ABTB3: variants seen among roughly 807,000 people sequenced by gnomAD.
ABTB3 encodes ankyrin repeat- and BTB/POZ domain-containing protein 3.
chr12:107,440,634 C>A, the ABTB3 span, among the ~76,000 whole-genome samples: 1 of 152,156 alleles, frequency 6.6e-6, no homozygotes, highest in Non-Finnish European at 1.5e-5. Context: ...TGGAACCGAG[C>A]CTGTGATGGT....
At chr12:107,408,615 A>G in the ABTB3 span, among the ~76,000 whole-genome samples, 2 of 152,204 alleles carry the variant, frequency 1.3e-5, no homozygotes, top group Admixed American at 1.3e-4. Flanking sequence ...TGTGATTTCC[A>G]TTGTACAGAT....
At chr12:107,577,334 G>A in the ABTB3 span, among the ~76,000 whole-genome samples, 3 of 152,184 alleles carry the variant, frequency 2.0e-5, no homozygotes, top group African/African-American at 7.2e-5. Flanking sequence ...GAGCCCTCCA[G>A]TGAGTTACGG....
the ABTB3 span, among the ~76,000 whole-genome samples, chr12:107,582,135 G>T: frequency 6.6e-6 from 1 of 152,148 alleles, no homozygotes; most frequent in African/African-American, 2.4e-5. Context: ...GGAAATGGAG[G>T]GTTTGTGGTA....
chr12:107,576,913 A>G, the ABTB3 span, among the ~76,000 whole-genome samples: 2 of 152,120 alleles, frequency 1.3e-5, no homozygotes, highest in Non-Finnish European at 2.9e-5. Flanking sequence ...TTCTGTCCCT[A>G]TCACTAGGAC....
the ABTB3 span, chr12:107,649,669 C>G: frequency 5.3e-6 from 1 of 190,354 alleles, no homozygotes; most frequent in African/African-American, 2.3e-5. Context: ...TCTCCCTTGT[C>G]ACTAATAAAA....
the ABTB3 span, among the ~76,000 whole-genome samples, chr12:107,614,762 C>G: frequency 6.6e-6 from 1 of 152,212 alleles, no homozygotes; most frequent in Non-Finnish European, 1.5e-5. Flanking sequence ...GACATTTTCT[C>G]ACTGCCTTCA....
the ABTB3 span, among the ~76,000 whole-genome samples, chr12:107,326,633 A>G: frequency 5.3e-5 from 8 of 152,084 alleles, no homozygotes; most frequent in African/African-American, 1.9e-4. Context: ...CCTGCTTCCA[A>G]CTTAAAGTTC....
At chr12:107,375,204 C>T in the ABTB3 span, among the ~76,000 whole-genome samples, 2 of 152,048 alleles carry the variant, frequency 1.3e-5, no homozygotes, top group Non-Finnish European at 2.9e-5. Context: ...ATCACTTGAA[C>T]CCAGAAATTT....
At chr12:107,497,486 A>T in the ABTB3 span, among the ~76,000 whole-genome samples, 1 of 149,602 alleles carries the variant, frequency 6.7e-6, no homozygotes, top group South Asian at 2.2e-4. Context: ...ATCATCACTG[A>T]CACCCCCACC....
At chr12:107,421,546 T>C in the ABTB3 span, among the ~76,000 whole-genome samples, 2 of 152,198 alleles carry the variant, frequency 1.3e-5, no homozygotes, top group African/African-American at 4.8e-5. Flanking sequence ...ATATAAAAAG[T>C]GCTGAAATGC....
the ABTB3 span, among the ~76,000 whole-genome samples, chr12:107,638,776 G>T: frequency 6.6e-6 from 1 of 152,100 alleles, no homozygotes; most frequent in Non-Finnish European, 1.5e-5. Flanking sequence ...GAGTATAATG[G>T]GTATTACAAT....
chr12:107,621,095 C>G, the ABTB3 span, among the ~76,000 whole-genome samples: 1 of 152,216 alleles, frequency 6.6e-6, no homozygotes, highest in Non-Finnish European at 1.5e-5. Flanking sequence ...GCAGGGATGG[C>G]CCTTCAGTAA....
the ABTB3 span, among the ~76,000 whole-genome samples, chr12:107,626,343 CTTTTTT>C: frequency 2.7e-5 from 3 of 112,530 alleles, no homozygotes; most frequent in Non-Finnish European, 5.1e-5. Context: ...CTATCGTCAT[CTTTTTT>C]TTTTTTTTTT....
the ABTB3 span, among the ~76,000 whole-genome samples, chr12:107,631,421 G>A: frequency 1.3e-5 from 2 of 152,182 alleles, no homozygotes; most frequent in Non-Finnish European, 2.9e-5. Context: ...TGTGAGTGCA[G>A]GTAGGGTCTT....
At chr12:107,408,611 T>C in the ABTB3 span, among the ~76,000 whole-genome samples, 1 of 152,346 alleles carries the variant, frequency 6.6e-6, no homozygotes, top group African/African-American at 2.4e-5. Context: ...AATCTGTGAT[T>C]TCCATTGTAC....
the ABTB3 span, among the ~76,000 whole-genome samples, chr12:107,467,481 G>A: frequency 6.6e-6 from 1 of 152,198 alleles, no homozygotes; most frequent in East Asian, 1.9e-4. Context: ...AACAACCAGA[G>A]CACTTGATAA....
At chr12:107,527,137 C>A in the ABTB3 span, among the ~76,000 whole-genome samples, 4 of 152,126 alleles carry the variant, frequency 2.6e-5, no homozygotes, top group Non-Finnish European at 5.9e-5. Flanking sequence ...CCCCTCCCCA[C>A]ATCACTCCCT....
At chr12:107,348,284 TACACACACACACGC>T in the ABTB3 span, among the ~76,000 whole-genome samples, 1 of 151,964 alleles carries the variant, frequency 6.6e-6, no homozygotes, top group Non-Finnish European at 1.5e-5. Flanking sequence ...TACTCATATC[TACACACACACACGC>T]ACACACACAC....
the ABTB3 span, among the ~76,000 whole-genome samples, chr12:107,417,266 A>G: frequency 4.1e-4 from 63 of 152,284 alleles, 1 homozygote; most frequent in African/African-American, 1.2e-3. Context: ...AGTATCCTAG[A>G]GCTGCCATAA....
Sources: allele counts gnomAD v4.1 joint callset (sites outside exome capture counted in the v4.1 genomes callset), GRCh38; gene constraint gnomAD v4.1.1; transcripts MANE v1.5; gene names NCBI Gene and HGNC (gene_info 2026-07-23, HGNC 2026-07-21).